PABPN1L: variants seen among roughly 807,000 people sequenced by gnomAD.
PABPN1L encodes the protein PABPN1 like, cytoplasmic, also known as embryonic polyadenylate-binding protein 2.
In PABPN1L, 45 loss-of-function variants were observed where a neutral mutation model predicts 34.0. The ratio of observed to expected loss-of-function variants is 1.32; its 90% CI spans 1.04 to 1.70. The LOEUF (loss-of-function observed/expected upper bound fraction) is 1.70. Ranked by LOEUF, PABPN1L falls within the 40% of genes most tolerant of loss-of-function variation. The pLI is 0.00. For missense variants in PABPN1L, 459 were observed against 367.8 expected (o/e 1.25, Z -2.03); for synonymous variants, 182 against 152.1 (o/e 1.20, Z -1.45).
At chr16:88,865,322 G>A (rs1968564627) in intron 3 of PABPN1L, among the ~76,000 whole-genome samples, 194 bp from the exon 4 acceptor site, 1 of 150,568 alleles carries the variant, frequency 6.6e-6, no homozygotes, top group African/African-American at 2.4e-5. Flanking sequence ...TCCTTCTGGA[G>A]AGCTGGAGCC....
chr16:88,864,504 A>G (rs1428057568), intron 5 of PABPN1L, 125 bp from the exon 6 acceptor site: 5 of 1,365,320 alleles, frequency 3.7e-6, no homozygotes, highest in South Asian at 1.5e-5. Flanking sequence ...TCGGGCCTAC[A>G]GGGTTCCCTG....
intron 6 of PABPN1L, 126 bp from the exon 7 acceptor site, chr16:88,863,921 G>T (rs943711469): frequency 5.9e-6 from 6 of 1,016,120 alleles, no homozygotes; most frequent in Non-Finnish European, 8.6e-6. Context: ...ATGCCCCAGG[G>T]GCCTTTCTGG....
rs758871411 is a variant in PABPN1L at position 88,865,008 on chromosome 16, G to T, written c.566+14C>A. The stretch of plus-strand genomic sequence containing the variant: ...GTCCGCATGGCCAGTGCCCCCACCA[G>T]GCCCCACACTGACCCCTTGGGGTGT... On this transcript the variant is annotated intron_variant, in intron 4 of 6. Transcript: ENST00000419291. 1 of 1,599,500 alleles carries T rather than the reference G, an allele frequency of 6.3e-7. No homozygotes were observed. Among genetic ancestry groups the T allele is most frequent in the East Asian group, 2.3e-5 (1 of 44,168 alleles).
chr16:88,866,732 T>C (rs1968613437), upstream of PABPN1L: 7 of 1,329,920 alleles, frequency 5.3e-6, no homozygotes, highest in Non-Finnish European at 7.0e-6. Context: ...CACTAGAGCA[T>C]TTGCAAAGGC....
chr16:88,864,235 A>G lies in PABPN1L; in HGVS notation c.797+2T>C. On this transcript the variant is annotated splice_donor_variant, in intron 6 of 6. Transcript: ENST00000419291. LOFTEE classifies it high-confidence loss of function. ...AGGCTGCCCCCACAGGCACCCACTC[A>G]CCGGTTCTGCCCTTGTGGTCTGAGC... 2 of 1,556,786 alleles carry G rather than the reference A, an allele frequency of 1.3e-6. No homozygotes were observed. The highest frequency in any genetic ancestry group is 1.7e-6 in the Non-Finnish European group (2 of 1,151,312).
chr16:88,865,673 C>T, intron 2 of PABPN1L, 43 bp from the exon 3 acceptor site: 1 of 1,572,510 alleles, frequency 6.4e-7, no homozygotes, highest in Non-Finnish European at 8.6e-7. Flanking sequence ...TTGGTTCCTT[C>T]CTCACTCCTC....
chr16:88,864,876 G>C (rs748369482), exon 5 of PABPN1L: 6 of 1,610,930 alleles, frequency 3.7e-6, no homozygotes, highest in Non-Finnish European at 4.2e-6. Context: ...CCCCGGAAGA[G>C]GCTCTGGTCC....
intron 6 of PABPN1L, 35 bp from the exon 7 acceptor site, chr16:88,863,830 C>T: frequency 6.5e-7 from 1 of 1,528,856 alleles, no homozygotes; most frequent in South Asian, 1.2e-5. Flanking sequence ...GAGTGGCCTT[C>T]CAGAGGAGAA....
chr16:88,863,808 A>T lies in PABPN1L; in HGVS notation c.798-13T>A, dbSNP rs1244316263. On this transcript the variant is annotated splice_polypyrimidine_tract_variant and intron_variant, in intron 6 of 6. Coordinates refer to ENST00000419291, the Ensembl canonical transcript of PABPN1L. ...TTTTCCACGGGCCCTGCACGGAGAG[A>T]GAACACACACTGAGTGGCCTTCCAG... 20 of 1,535,622 alleles carry T rather than the reference A, an allele frequency of 1.3e-5. No homozygotes were observed. Among genetic ancestry groups the T allele is most frequent in the Non-Finnish European group, 1.7e-5 (19 of 1,146,578 alleles).
At chr16:88,863,536 G>C in exon 7 of PABPN1L, 2 of 648,972 alleles carry the variant, frequency 3.1e-6, no homozygotes, top group Non-Finnish European at 5.5e-6. Context: ...GCTCACCACC[G>C]GGCCGTGGCT....
At chr16:88,864,581 ACGGCCAGCACCCCTGCAGAGGG>A (rs1968540785) in intron 5 of PABPN1L, among the ~76,000 whole-genome samples, 1 of 151,692 alleles carries the variant, frequency 6.6e-6, no homozygotes. Context: ...GGGGGGGGTC[ACGGCCAGCACCCCTGCAGAGGG>A]GGGGGTCACG....
At chr16:88,865,592 C>T (rs1188791558) in exon 3 of PABPN1L, 2 of 1,611,546 alleles carry the variant, frequency 1.2e-6, no homozygotes, top group Non-Finnish European at 1.7e-6. Context: ...CTGTGGTCAG[C>T]CTCCACCTTC....
At chr16:88,865,683 C>G (rs1968574817) in intron 2 of PABPN1L, 53 bp from the exon 3 acceptor site, 13 of 1,564,268 alleles carry the variant, frequency 8.3e-6, no homozygotes, top group South Asian at 1.2e-5. Context: ...CCTCACTCCT[C>G]TCACGGGGAA....
At chr16:88,863,438 C>G in exon 7 of PABPN1L, 1 of 509,740 alleles carries the variant, frequency 2.0e-6, no homozygotes, top group East Asian at 3.4e-5. Context: ...GCATGCCAAC[C>G]CCAAGCTGGC....
At chr16:88,866,445 TTCCTCC>T in exon 1 of PABPN1L, 4 of 1,551,578 alleles carry the variant, frequency 2.6e-6, no homozygotes, top group Non-Finnish European at 3.5e-6. Flanking sequence ...CTGCATCCTC[TTCCTCC>T]TCTTTCTCCT....
chr16:88,866,418 C>T (rs1968596405), exon 1 of PABPN1L: 2 of 1,551,312 alleles, frequency 1.3e-6, no homozygotes, highest in Non-Finnish European at 1.7e-6. Context: ...AGCCTGCATC[C>T]CCATCCTGGT....
intron 1 of PABPN1L, 66 bp downstream of exon 1, chr16:88,866,286 C>T (rs866824708): frequency 2.7e-5 from 40 of 1,504,188 alleles, no homozygotes; most frequent in African/African-American, 1.9e-4. Context: ...ACCCAGACCC[C>T]GTGTCTCCAC....
exon 7 of PABPN1L, chr16:88,863,500 G>A (rs551149914): frequency 9.4e-5 from 55 of 583,794 alleles, no homozygotes; most frequent in Non-Finnish European, 1.4e-4. Flanking sequence ...CCAGAGCCCC[G>A]CAGATCCCCG....
chr16:88,865,766 C>A (rs753886076), intron 2 of PABPN1L, 40 bp downstream of exon 2: 170 of 1,579,790 alleles, frequency 1.1e-4, no homozygotes, highest in Non-Finnish European at 1.4e-4. Context: ...ACTGTGGGAC[C>A]CTTGCTCAGT....
Sources: gnomAD v4.1 joint callset for allele counts (sites outside exome capture counted in the v4.1 genomes callset) on GRCh38, gnomAD v4.1.1 for gene constraint, MANE v1.5 for transcripts, NCBI Gene and HGNC (gene_info 2026-07-23, HGNC 2026-07-21) for gene names.